MCPH1: variants seen among roughly 807,000 people sequenced by gnomAD.
The protein encoded by MCPH1 is microcephalin.
Under a neutral mutation model 84.5 loss-of-function variants are expected in MCPH1, and 104 were observed. That is an observed-to-expected ratio of 1.23 (90% CI 1.05 to 1.45). MCPH1 has a LOEUF of 1.45. Ranked by LOEUF, MCPH1 falls within the 40% of genes most tolerant of loss-of-function variation. MCPH1 has a pLI of 0.00. For synonymous variants in MCPH1, 514 were observed against 366.8 expected, an observed-to-expected ratio of 1.40 and a Z score of -4.58; for missense variants, 1,498 against 1,005.7, an observed-to-expected ratio of 1.49 and a Z score of -6.62.
intron 2 of MCPH1, among the ~76,000 whole-genome samples, chr8:6,409,918 G>C (rs936249626): frequency 6.6e-6 from 1 of 152,120 alleles, no homozygotes; most frequent in African/African-American, 2.4e-5. Flanking sequence ...CAGTGACAGA[G>C]GGAGAGAAGA....
intron 3 of MCPH1, among the ~76,000 whole-genome samples, chr8:6,427,671 C>T (rs899990333): frequency 2.0e-5 from 3 of 152,126 alleles, no homozygotes; most frequent in Non-Finnish European, 4.4e-5. Context: ...GGAGTTATTG[C>T]ACCCGGCTCC....
chr8:6,482,454 C>T (rs1257561246), intron 11 of MCPH1, among the ~76,000 whole-genome samples: 1 of 152,230 alleles, frequency 6.6e-6, no homozygotes, highest in East Asian at 1.9e-4. Flanking sequence ...ATAACTCTAG[C>T]ATCAGTGAAT....
intron 6 of MCPH1, among the ~76,000 whole-genome samples, chr8:6,440,854 GT>G (rs1373584395): frequency 6.6e-6 from 1 of 152,232 alleles, no homozygotes; most frequent in Non-Finnish European, 1.5e-5. Flanking sequence ...AAAAACCAAT[GT>G]GTTACAATCG....
In MCPH1 at chr8:6,634,006, A is replaced by T. The variant is rs996362799; in HGVS notation, c.2453-8988A>T. ...AGTATGGTGTTGGGATGACCACCATACATGACCTGAAGAAACAGAAGGATA... is the reference window on the plus strand; with the variant it reads ...AGTATGGTGTTGGGATGACCACCATTCATGACCTGAAGAAACAGAAGGATA... On this transcript the variant is annotated intron_variant, in intron 13 of 13. Transcript: ENST00000344683. Among the ~76,000 whole-genome samples, 124 of 152,346 alleles carry T rather than the reference A, an allele frequency of 8.1e-4. 1 individual carries two copies. Among genetic ancestry groups the T allele is most frequent in the African/African-American group, 2.9e-3 (120 of 41,574 alleles).
In MCPH1 at chr8:6,490,086, TTA is replaced by T. The variant is rs1048273704; in HGVS notation, c.2136+9212_2136+9213del. ...AGATCTCAGTTCCCCAACATTTGCCTTATGACTGAGACCTCCAGGACGTCAAC... is the reference window on the plus strand; with the variant it reads ...AGATCTCAGTTCCCCAACATTTGCCTTGACTGAGACCTCCAGGACGTCAAC... On this transcript the variant is annotated intron_variant, in intron 11 of 13. Transcript: ENST00000344683. Among the ~76,000 whole-genome samples the T allele has an allele frequency of 3.0e-5, 3 of 100,498 alleles. No individual in the cohort carries two copies. The East Asian group carries it at 8.7e-4, about 29-fold the overall frequency. 65.9% of individuals were successfully genotyped at this position (100,498 alleles called of 152,430 possible).
At chr8:6,615,042 C>A (rs990908407) in intron 12 of MCPH1, among the ~76,000 whole-genome samples, 1 of 152,216 alleles carries the variant, frequency 6.6e-6, no homozygotes, top group African/African-American at 2.4e-5. Flanking sequence ...GCTCACACTG[C>A]GTAAGCACGA....
At chr8:6,504,335 AAAG>A (rs1812833337) in intron 12 of MCPH1, among the ~76,000 whole-genome samples, 1 of 151,462 alleles carries the variant, frequency 6.6e-6, no homozygotes, top group Non-Finnish European at 1.5e-5. Flanking sequence ...AAAAAAAAAA[AAAG>A]AATGTATAAA....
chr8:6,447,782 C>G (rs895205348), intron 8 of MCPH1, among the ~76,000 whole-genome samples: 1 of 152,174 alleles, frequency 6.6e-6, no homozygotes, highest in Non-Finnish European at 1.5e-5. Context: ...AACTCGCGAC[C>G]TCATGATCTA....
rs1411955294 is a variant in MCPH1 at position 6,445,172 on chromosome 8, C to T, written c.1450C>T (p.Pro484Ser). 1.1e-5 allele frequency: 17 copies of T among 1,614,084 alleles called. No homozygotes were observed. Among genetic ancestry groups the T allele is most frequent in the Non-Finnish European group, 1.4e-5 (17 of 1,180,040 alleles). The stretch of plus-strand genomic sequence containing the variant: ...TTTCACAGCAAAAACCATCTCCAGT[C>T]CTCGGAAAACTGGAAATGGTGAAGG... ...TNFTAKTISS[P>S]RKTGNGEGRA... The change falls in exon 8 of 14, where the codon CCT becomes TCT. Residue 484 changes from proline (P) to serine (S), a missense_variant. Pro to Ser is a moderately conservative substitution (Grantham distance 74). Transcript: ENST00000344683.
intron 9 of MCPH1, among the ~76,000 whole-genome samples, chr8:6,466,806 C>T (rs1436358151): frequency 6.6e-6 from 1 of 151,850 alleles, no homozygotes; most frequent in African/African-American, 2.4e-5. Flanking sequence ...AAACTCCTGA[C>T]CTCAAGTGTT....
chr8:6,427,013 C>T (rs1256144013), intron 3 of MCPH1, among the ~76,000 whole-genome samples: 1 of 152,206 alleles, frequency 6.6e-6, no homozygotes, highest in Non-Finnish European at 1.5e-5. Flanking sequence ...CACACACCTG[C>T]ATGACATAGC....
chr8:6,640,732 T>A (rs949008664), intron 13 of MCPH1, among the ~76,000 whole-genome samples: 2 of 152,220 alleles, frequency 1.3e-5, no homozygotes, highest in Non-Finnish European at 2.9e-5. Context: ...ACCCTTGTGG[T>A]TTTGCTTAGA....
intron 12 of MCPH1, chr8:6,508,985 T>G (rs774353163): frequency 6.2e-7 from 1 of 1,614,206 alleles, no homozygotes; most frequent in East Asian, 2.2e-5. Context: ...GTCTCCATCC[T>G]TTGTGCTAAA....
At chr8:6,545,282 C>T (rs1218519338) in intron 12 of MCPH1, among the ~76,000 whole-genome samples, 1 of 152,144 alleles carries the variant, frequency 6.6e-6, no homozygotes, top group Middle Eastern at 3.2e-3. Context: ...TGAGTGAATC[C>T]ATATTTTTAA....
At chr8:6,469,543 C>T (rs1267871970) in intron 9 of MCPH1, among the ~76,000 whole-genome samples, 1 of 151,970 alleles carries the variant, frequency 6.6e-6, no homozygotes, top group Non-Finnish European at 1.5e-5. Flanking sequence ...CTGATAGTAC[C>T]ATATATATTT....
chr8:6,564,535 C>G (rs1825978776), intron 12 of MCPH1, among the ~76,000 whole-genome samples: 2 of 152,098 alleles, frequency 1.3e-5, no homozygotes, highest in South Asian at 4.2e-4. Context: ...AATATGTTAA[C>G]TCAGCAGCCC....
intron 12 of MCPH1, among the ~76,000 whole-genome samples, chr8:6,523,755 T>C (rs1817807631): frequency 6.6e-6 from 1 of 152,038 alleles, no homozygotes; most frequent in South Asian, 2.1e-4. Flanking sequence ...GCCCAGCTAA[T>C]TTTTTGTATT....
chr8:6,457,842 C>G (rs1266302820), intron 9 of MCPH1, among the ~76,000 whole-genome samples: 1 of 152,132 alleles, frequency 6.6e-6, no homozygotes, highest in Non-Finnish European at 1.5e-5. Flanking sequence ...ACCGCACAGC[C>G]TTTGCTTGAA....
chr8:6,581,930 C>T (rs1478773084), intron 12 of MCPH1, among the ~76,000 whole-genome samples: 1 of 152,128 alleles, frequency 6.6e-6, no homozygotes, highest in African/African-American at 2.4e-5. Context: ...TTTATAAGGA[C>T]ACTAATCCCA....
Sources: gnomAD v4.1 joint callset for allele counts (sites outside exome capture counted in the v4.1 genomes callset) on GRCh38, gnomAD v4.1.1 for gene constraint, MANE v1.5 for transcripts, NCBI Gene and HGNC (gene_info 2026-07-23, HGNC 2026-07-21) for gene names.